The following MATN2 variants were observed in gnomAD, a reference collection of about 807,000 sequenced individuals.
MATN2 encodes the protein matrilin 2.
MATN2 carries 69 observed loss-of-function variants against 103.2 expected under a neutral mutation model. That is an observed-to-expected ratio of 0.67 (90% confidence interval 0.55 to 0.82). The LOEUF (loss-of-function observed/expected upper bound fraction) is 0.82, where lower values mean the gene tolerates loss of function less well. MATN2 is among the 40% of genes least tolerant of loss of function. The pLI, the probability that MATN2 is intolerant of heterozygous loss-of-function variation, is 0.00. For synonymous variants in MATN2, 429 were observed against 450.2 expected, an observed-to-expected ratio of 0.95 and a Z score of 0.60; for missense variants, 1,023 against 1,211.5, an observed-to-expected ratio of 0.84 and a Z score of 2.31.
At chr8:98,030,829 A>T (rs569714072) in intron 15 of MATN2, among the ~76,000 whole-genome samples, 2 of 151,756 alleles carry the variant, frequency 1.3e-5, no homozygotes, top group African/African-American at 2.4e-5. Flanking sequence ...CACCCAGCTA[A>T]TTTTTGTATT....
chr8:97,915,638 C>T (rs964358827), intron 2 of MATN2, among the ~76,000 whole-genome samples: 6 of 152,226 alleles, frequency 3.9e-5, no homozygotes, highest in Admixed American at 2.0e-4. Flanking sequence ...CAGCCCAGCC[C>T]TGTGTTGCTA....
intron 4 of MATN2, among the ~76,000 whole-genome samples, chr8:97,953,819 G>A (rs1811049392): frequency 6.8e-6 from 1 of 147,450 alleles, no homozygotes; most frequent in African/African-American, 2.5e-5. Context: ...AAAGTTAGCT[G>A]GGTATGGTGG....
chr8:97,994,372 G>A (rs962469177), intron 6 of MATN2, 108 bp from the exon 7 acceptor site: 2 of 1,183,486 alleles, frequency 1.7e-6, no homozygotes, highest in Admixed American at 2.2e-5. Context: ...GACTCTTTGA[G>A]GTGTGGGATT....
chr8:97,938,616 A>G (rs1810456109), intron 3 of MATN2, among the ~76,000 whole-genome samples: 1 of 152,240 alleles, frequency 6.6e-6, no homozygotes, highest in African/African-American at 2.4e-5. Context: ...CCAATGGATA[A>G]AACAATTGGG....
chr8:98,008,384 G>T (rs185060991), intron 10 of MATN2, among the ~76,000 whole-genome samples: 140 of 152,218 alleles, frequency 9.2e-4, no homozygotes, highest in Non-Finnish European at 7.2e-4. Flanking sequence ...TGAAAGAAAA[G>T]GACCACCATT....
chr8:98,008,885 C>T (rs371648251), intron 10 of MATN2, among the ~76,000 whole-genome samples: 8 of 152,196 alleles, frequency 5.3e-5, no homozygotes, highest in African/African-American at 1.4e-4. Context: ...TAGGACCCTA[C>T]GAAATTCTCA....
intron 4 of MATN2, among the ~76,000 whole-genome samples, chr8:97,945,717 A>ATATATATATATATAT (rs1554605715): frequency 4.1e-5 from 5 of 121,808 alleles, no homozygotes; most frequent in African/African-American, 1.6e-4. Context: ...AAAAAAAAAA[A>ATATATATATATATAT]ATATATATAT....
At chr8:98,031,825 T>A (rs1009300402) in intron 15 of MATN2, 1 of 156,204 alleles carries the variant, frequency 6.4e-6, no homozygotes, top group Non-Finnish European at 1.4e-5. Context: ...GAAAGAACTC[T>A]TGAGATGAGG....
rs1814251171 is a variant in MATN2 at position 98,036,413 on chromosome 8, A to G, written c.*701A>G. 6.6e-6 allele frequency: 1 copy of G among 152,172 alleles called. No individual in the cohort carries two copies. Among genetic ancestry groups the G allele is most frequent in the Admixed American group, 6.5e-5 (1 of 15,280 alleles). 9.4% of individuals were successfully genotyped at this position (152,172 alleles called of 1,614,324 possible). ...AACAAGTGTTGGTAAGGATGTGGAA[A>G]TGTGAGGTTCTTGTAGTAAGAATGC... On this transcript the variant is annotated 3_prime_UTR_variant, in exon 19 of 19. Transcript: ENST00000254898.
chr8:97,998,459 T>C lies in MATN2; in HGVS notation c.1204+3857T>C, dbSNP rs901514568. Among the ~76,000 whole-genome samples, 47 of 148,162 alleles carry C rather than the reference T, an allele frequency of 3.2e-4. 1 individual carries two copies. Among genetic ancestry groups the C allele is most frequent in the Admixed American group, 2.0e-3 (30 of 14,842 alleles). On this transcript the variant is annotated intron_variant, in intron 7 of 18. Transcript: ENST00000254898. The stretch of plus-strand genomic sequence containing the variant: ...ATGGCGTGAACCTGGGAGGCGGAGC[T>C]TGCAGTGAGCCGAGATCGTGCCACT...
At chr8:97,882,677 T>G (rs895722531) in intron 1 of MATN2, among the ~76,000 whole-genome samples, 8 of 152,212 alleles carry the variant, frequency 5.3e-5, no homozygotes, top group Non-Finnish European at 1.0e-4. Flanking sequence ...ATTCCGAGTA[T>G]GCACCACCGT....
At chr8:97,973,920 G>A (rs1462031843) in intron 5 of MATN2, among the ~76,000 whole-genome samples, 1 of 151,994 alleles carries the variant, frequency 6.6e-6, no homozygotes, top group Non-Finnish European at 1.5e-5. Context: ...TCTTTAAATT[G>A]GAACAAGGAT....
intron 13 of MATN2, among the ~76,000 whole-genome samples, chr8:98,026,135 C>T (rs1346682449): frequency 2.2e-5 from 3 of 139,398 alleles, no homozygotes; most frequent in African/African-American, 7.8e-5. Flanking sequence ...GCCAAGATCA[C>T]ACCATTGCAC....
chr8:98,034,412 C>A, intron 18 of MATN2: 1 of 303,304 alleles, frequency 3.3e-6, no homozygotes, highest in Non-Finnish European at 6.8e-6. Context: ...AGGGAAATGG[C>A]TTAATTCTGA....
intron 10 of MATN2, among the ~76,000 whole-genome samples, chr8:98,009,744 G>A (rs1464799960): frequency 6.6e-6 from 1 of 152,192 alleles, no homozygotes; most frequent in Non-Finnish European, 1.5e-5. Context: ...GGGGGTCGGG[G>A]AGGGGATGGG....
At chr8:97,914,359 T>A (rs1262324503) in intron 2 of MATN2, among the ~76,000 whole-genome samples, 1 of 5,530 alleles carries the variant, frequency 1.8e-4, no homozygotes, top group East Asian at 5.1e-3. Flanking sequence ...AATCCAGACC[T>A]TTTTTTTTTT....
chr8:98,021,635 G>A (rs1186088494), intron 13 of MATN2, among the ~76,000 whole-genome samples: 2 of 151,582 alleles, frequency 1.3e-5, no homozygotes, highest in Non-Finnish European at 2.9e-5. Flanking sequence ...TCAGTTCTGG[G>A]CATGGTACTT....
intron 2 of MATN2, among the ~76,000 whole-genome samples, chr8:97,900,480 A>G (rs1016655137): frequency 2.0e-5 from 3 of 152,218 alleles, no homozygotes; most frequent in African/African-American, 7.2e-5. Context: ...CCTTAAAGTC[A>G]GGGTGGACCA....
rs10104918 is a variant in MATN2, at chr8:98,003,626, G to A, written c.1205-35G>A. 22,034 of 1,612,596 alleles carry A rather than the reference G, an allele frequency of 0.014. 2,486 individuals carry two copies. The African/African-American group carries it at 0.25, about 19-fold the overall frequency. ...TGCCATCAGCCCTGGGAGAGGTCCA[G>A]AGTCTGAAGGAAGGTCTGCCCTTCT... On this transcript the variant is annotated intron_variant, in intron 7 of 18. Transcript: ENST00000254898.
Sources: allele counts gnomAD v4.1 joint callset (sites outside exome capture counted in the v4.1 genomes callset), GRCh38; gene constraint gnomAD v4.1.1; transcripts MANE v1.5; gene names NCBI Gene and HGNC (gene_info 2026-07-23, HGNC 2026-07-21).